The following TET2 variants were observed in gnomAD, a reference collection of about 807,000 sequenced individuals.
TET2 encodes tet methylcytosine dioxygenase 2.
In TET2, 299 loss-of-function variants were observed where a neutral mutation model predicts 142.9. The observed-to-expected ratio is 2.09, with a 90% CI of 1.90 to 2.30. The LOEUF is 2.30. TET2 is among the 30% of genes most tolerant of loss of function. The pLI, the probability that TET2 is intolerant of heterozygous loss-of-function variation, is 0.00. For synonymous variants in TET2, 819 were observed against 849.0 expected, an observed-to-expected ratio of 0.96 and a Z score of 0.61; for missense variants, 2,418 against 2,378.0, an observed-to-expected ratio of 1.02 and a Z score of -0.35.
rs1560575209 is a variant in TET2 at position 105,276,843 on chromosome 4, C to CG, written c.*324_*325insG. 1 of 202,166 alleles carries CG rather than the reference C, an allele frequency of 4.9e-6. No individual in the cohort carries two copies. The highest frequency in any genetic ancestry group is 9.8e-6 in the Non-Finnish European group (1 of 102,208). The allele number at this position is 202,166 out of a possible 1,614,324, so 12.5% of individuals were successfully genotyped here. On this transcript the variant is annotated 3_prime_UTR_variant, in exon 11 of 11. Transcript: ENST00000380013. ...GAGATGATATGTAAATGTGATCCCCCCCCCCCGCTTACAACTCTACACATC... is the reference window on the plus strand; with the variant it reads ...GAGATGATATGTAAATGTGATCCCCCGCCCCCCGCTTACAACTCTACACATC...
At chr4:105,214,650 C>T (rs927691775) in intron 2 of TET2, among the ~76,000 whole-genome samples, 5 of 151,704 alleles carry the variant, frequency 3.3e-5, no homozygotes, top group Admixed American at 1.3e-4. Context: ...GAGAAGGTCC[C>T]ACCCTTTGCA....
intron 8 of TET2, 39 bp downstream of exon 8, chr4:105,261,887 T>A: frequency 2.6e-6 from 3 of 1,174,508 alleles, no homozygotes; most frequent in Non-Finnish European, 3.7e-6. Context: ...TGTAACAACT[T>A]ACTTGTTACT....
intron 6 of TET2, among the ~76,000 whole-genome samples, chr4:105,248,893 A>G (rs560414610): frequency 1.3e-5 from 2 of 151,820 alleles, no homozygotes; most frequent in African/African-American, 4.8e-5. Context: ...GGCATTTTGT[A>G]TTAGTGAAAT....
rs34870510 is a variant in TET2, at chr4:105,224,684, G to GTCTCTCTCTCTCTCTCTC, written c.-46-9187_-46-9170dup. On this transcript the variant is annotated intron_variant, in intron 2 of 10. Transcript: ENST00000380013. ...GTTAACATAATTGACATATCAGCCAGTCTCTCTCTCTCTCTCTCTCTCTCT... is the reference window on the plus strand; with the variant it reads ...GTTAACATAATTGACATATCAGCCAGTCTCTCTCTCTCTCTCTCTCTCTCTCTCTCTCTCTCTCTCTCT... Among the ~76,000 whole-genome samples the GTCTCTCTCTCTCTCTCTC allele has an allele frequency of 7.8e-3, 847 of 108,092 alleles. 76 individuals carry two copies. The highest frequency in any genetic ancestry group is 0.01 in the Admixed American group (106 of 10,426). 70.9% of individuals were successfully genotyped at this position (108,092 alleles called of 152,430 possible).
rs561197661 is a variant in TET2, at chr4:105,226,277, G to C, written c.-46-7620G>C. Among the ~76,000 whole-genome samples the C allele has an allele frequency of 9.9e-5, 15 of 152,188 alleles. 1 individual carries two copies. The South Asian group carries it at 2.7e-3, about 27-fold the overall frequency. Reference sequence around the variant, plus strand: ...TGCTTCACCATGGGCAGATTCCTCAGTTTTCACATCTTTAAAATGAGAAAA... The same window carrying C: ...TGCTTCACCATGGGCAGATTCCTCACTTTTCACATCTTTAAAATGAGAAAA... On this transcript the variant is annotated intron_variant, in intron 2 of 10. Coordinates refer to ENST00000380013, the MANE Select transcript of TET2 (RefSeq NM_001127208.3).
chr4:105,234,577 CAG>C lies in TET2; in HGVS notation c.636_637del (p.Val213PhefsTer11). ...GCAGTGCTAATGCCTAATGGTGCTA[CAG>C]TTTCTGCCTCTTCCGTGGAACACAC... On this transcript the variant is annotated frameshift_variant, in exon 3 of 11. Transcript: ENST00000380013. LOFTEE classifies it high-confidence loss of function. 6.2e-7 allele frequency: 1 copy of C among 1,614,134 alleles called. No individual in the cohort carries two copies. Among genetic ancestry groups the C allele is most frequent in the Non-Finnish European group, 8.5e-7 (1 of 1,180,010 alleles).
chr4:105,245,878 A>C (rs1251230931), intron 6 of TET2, among the ~76,000 whole-genome samples: 1 of 152,212 alleles, frequency 6.6e-6, no homozygotes, highest in Non-Finnish European at 1.5e-5. Flanking sequence ...TAGTTTTAAA[A>C]TTTCTTTTCA....
At chr4:105,229,688 C>T (rs2110619212) in intron 2 of TET2, among the ~76,000 whole-genome samples, 1 of 151,990 alleles carries the variant, frequency 6.6e-6, no homozygotes, top group South Asian at 2.1e-4. Flanking sequence ...AAGTAATCCC[C>T]CTCCCAGTGC....
chr4:105,237,835 A>G, intron 3 of TET2: 1 of 1,092,238 alleles, frequency 9.2e-7, no homozygotes, highest in Non-Finnish European at 1.1e-6. Context: ...AGTCTTCATG[A>G]GTTGGGGGAA....
At chr4:105,185,711 G>A (rs976643859) in intron 1 of TET2, among the ~76,000 whole-genome samples, 21 of 152,058 alleles carry the variant, frequency 1.4e-4, no homozygotes, top group African/African-American at 4.1e-4. Context: ...CCGGGGAGGC[G>A]GAGCTTGCAG....
chr4:105,185,695 C>T (rs952057173), intron 1 of TET2, among the ~76,000 whole-genome samples: 6 of 152,138 alleles, frequency 3.9e-5, no homozygotes, highest in Non-Finnish European at 2.9e-5. Context: ...AGGAGAATGG[C>T]GTGAACCGGG....
At chr4:105,155,827 A>T (rs1723537603) in intron 1 of TET2, among the ~76,000 whole-genome samples, 1 of 152,220 alleles carries the variant, frequency 6.6e-6, no homozygotes, top group African/African-American at 2.4e-5. Flanking sequence ...TCACTTGTTC[A>T]ATGAGTAACT....
Position 105,237,291 on chromosome 4 carries a change from A to T in TET2, c.3349A>T (p.Lys1117Ter), listed in dbSNP as rs749522646. 6.2e-7 allele frequency: 1 copy of T among 1,614,144 alleles called. No homozygotes were observed. ...TTCCAAATTACTAGATACTCCTATAAAAAATTTATTGGATACACCTGTCAA... is the reference window on the plus strand; with the variant it reads ...TTCCAAATTACTAGATACTCCTATATAAAATTTATTGGATACACCTGTCAA... The part of the protein sequence containing the change: ...SPSKLLDTPI[K>*]NLLDTPVKTQ... The change falls in exon 3 of 11, where the codon AAA becomes TAA. Residue 1117 changes from lysine to a stop codon, truncating the protein, a stop_gained. Transcript: ENST00000380013. LOFTEE classifies it high-confidence loss of function.
In TET2 at chr4:105,235,743, A is replaced by G; in HGVS notation, c.1801A>G (p.Thr601Ala). The change falls in exon 3 of 11, where the codon ACC becomes GCC. Residue 601 changes from threonine to alanine, a missense_variant. Transcript: ENST00000380013. ...TCAACCCAATCTCTCCAATCAAATG[A>G]CCTCCAAACAATACACTGGAAATTC... Reference protein sequence around the residue: ...QYQPNLSNQMTSKQYTGNSNM... With the variant: ...QYQPNLSNQMASKQYTGNSNM... 6.2e-7 allele frequency: 1 copy of G among 1,614,086 alleles called. No individual in the cohort carries two copies. Among genetic ancestry groups the G allele is most frequent in the East Asian group, 2.2e-5 (1 of 44,870 alleles).
intron 6 of TET2, among the ~76,000 whole-genome samples, chr4:105,255,822 G>T (rs1730098145): frequency 6.6e-6 from 1 of 151,746 alleles, no homozygotes; most frequent in Non-Finnish European, 1.5e-5. Flanking sequence ...GATAAGGTAG[G>T]ATTTGTCTGC....
chr4:105,216,105 A>T (rs1727476669), intron 2 of TET2, among the ~76,000 whole-genome samples: 1 of 152,180 alleles, frequency 6.6e-6, no homozygotes, highest in African/African-American at 2.4e-5. Context: ...TTTAGAAGAC[A>T]ATGTAAAACA....
rs375776840 is a variant in TET2 at position 105,275,541 on chromosome 4, A to G, written c.5031A>G (p.Thr1677=). The part of the protein sequence containing the change: ...LSKLSLPPIH[T]LYQPRFGNSQ... ...AGCTCAGTCTACCACCCATCCATAC[A>G]CTTTACCAGCCAAGGTTTGGAAATA... The change falls in exon 11 of 11, where the codon ACA becomes ACG. Residue 1677 remains threonine (T), a synonymous_variant. Transcript: ENST00000380013. 2 of 1,551,514 alleles carry G rather than the reference A, an allele frequency of 1.3e-6. No homozygotes were observed. Among genetic ancestry groups the G allele is most frequent in the Admixed American group, 2.0e-5 (1 of 50,982 alleles).
chr4:105,213,681 A>G (rs973455927), intron 2 of TET2, among the ~76,000 whole-genome samples: 6 of 152,216 alleles, frequency 3.9e-5, no homozygotes, highest in Non-Finnish European at 1.5e-5. Context: ...AAAGCCCTTC[A>G]TTTGGATGAC....
chr4:105,152,102 AC>A (rs1723332027), intron 1 of TET2, among the ~76,000 whole-genome samples: 2 of 152,098 alleles, frequency 1.3e-5, no homozygotes, highest in South Asian at 4.1e-4. Context: ...ACATGGTGAA[AC>A]CCCATCTCCA....
Sources: allele counts gnomAD v4.1 joint callset (sites outside exome capture counted in the v4.1 genomes callset), GRCh38; gene constraint gnomAD v4.1.1; transcripts MANE v1.5; gene names NCBI Gene and HGNC (gene_info 2026-07-23, HGNC 2026-07-21).